BBOF1: variants seen among roughly 807,000 people sequenced by gnomAD.
BBOF1 encodes the protein basal body orientation factor 1, also known as basal body-orientation factor 1.
Under a neutral mutation model 68.0 loss-of-function variants are expected in BBOF1, and 62 were observed. That is an observed-to-expected ratio of 0.91 (90% CI 0.74 to 1.13). The LOEUF is 1.13. Ranked by LOEUF, BBOF1 falls within the 50% of genes most tolerant of loss-of-function variation. The pLI is 0.00. For missense variants in BBOF1, 534 were observed against 600.1 expected (o/e 0.89, Z 1.15); for synonymous variants, 208 against 198.8 (o/e 1.05, Z -0.39).
At chr14:74,035,413 C>CTT (rs35957144) in intron 4 of BBOF1, among the ~76,000 whole-genome samples, 64 of 97,352 alleles carry the variant, frequency 6.6e-4, no homozygotes, top group Non-Finnish European at 8.0e-4. Flanking sequence ...CATATGGGCC[C>CTT]TTTTTTTTTT....
intron 1 of BBOF1, among the ~76,000 whole-genome samples, chr14:74,021,670 G>A (rs571199430): frequency 6.6e-6 from 1 of 151,418 alleles, no homozygotes; most frequent in Non-Finnish European, 1.5e-5. Flanking sequence ...TTGACTTTTT[G>A]TCCAAGACCT....
chr14:74,065,127 T>C lies in BBOF1; in HGVS notation c.*428T>C. On this transcript the variant is annotated 3_prime_UTR_variant, in exon 12 of 12. Coordinates refer to ENST00000394009, the MANE Select transcript of BBOF1 (RefSeq NM_025057.3). ...TGACTCACCATTATTTACTGTTTCC[T>C]CTTAGGAAATAGTAAATGGATATAA... The C allele has an allele frequency of 1.3e-6, 2 of 1,598,284 alleles. No homozygotes were observed. The highest frequency in any genetic ancestry group is 1.7e-6 in the Non-Finnish European group (2 of 1,166,418).
rs1426492072 is a variant in BBOF1 at position 74,051,416 on chromosome 14, AAAAC to A, written c.1286+1233_1286+1236del. Among the ~76,000 whole-genome samples the A allele has an allele frequency of 1.7e-4, 26 of 151,770 alleles. 2 individuals carry two copies. Among genetic ancestry groups the A allele is most frequent in the South Asian group, 4.1e-4 (2 of 4,826 alleles). On this transcript the variant is annotated intron_variant, in intron 8 of 11. Coordinates refer to ENST00000394009, the MANE Select transcript of BBOF1 (RefSeq NM_025057.3). ...CAACAGAGTGAGACCCTGTTTCAAAAAAACAAACAAACAAAAAACCAAAACAATT... is the reference window on the plus strand; with the variant it reads ...CAACAGAGTGAGACCCTGTTTCAAAAAAACAAACAAAAAACCAAAACAATT...
intron 4 of BBOF1, 116 bp downstream of exon 4, chr14:74,034,287 A>G: frequency 1.5e-6 from 1 of 673,242 alleles, no homozygotes; most frequent in African/African-American, 1.9e-5. Flanking sequence ...TTGACATTTT[A>G]GAAATTATTT....
chr14:74,043,121 T>C (rs2059864722), intron 5 of BBOF1, among the ~76,000 whole-genome samples: 1 of 152,164 alleles, frequency 6.6e-6, no homozygotes, highest in Admixed American at 6.5e-5. Context: ...GTTCATTTAC[T>C]TTATACCTCA....
chr14:74,071,982 G>A, intron 9 of BBOF1: 1 of 1,612,900 alleles, frequency 6.2e-7, no homozygotes, highest in Non-Finnish European at 8.5e-7. Context: ...TTTCTAGAGA[G>A]AAGACACACA....
At chr14:74,070,350 C>A (rs897859548), downstream of BBOF1, among the ~76,000 whole-genome samples, 3 of 151,984 alleles carry the variant, frequency 2.0e-5, no homozygotes, top group African/African-American at 7.3e-5. Flanking sequence ...GAAACCCCAT[C>A]TGTACTAAAA....
intron 10 of BBOF1, among the ~76,000 whole-genome samples, chr14:74,079,133 C>G (rs572937632): frequency 6.6e-6 from 1 of 151,708 alleles, no homozygotes; most frequent in Admixed American, 6.6e-5. Flanking sequence ...AGGTGATACC[C>G]ACGTAATTAT....
intron 1 of BBOF1, among the ~76,000 whole-genome samples, chr14:74,021,572 GA>G (rs1416589221): frequency 6.7e-6 from 1 of 149,964 alleles, no homozygotes; most frequent in Non-Finnish European, 1.5e-5. Flanking sequence ...CTGGATGACA[GA>G]GCAAGATCTT....
Position 74,048,240 on chromosome 14 carries a change from T to C in BBOF1, c.792+166T>C. The C allele has an allele frequency of 8.7e-6, 5 of 574,714 alleles. No homozygotes were observed. In the South Asian group the frequency reaches 1.3e-4, roughly 15 times the overall value. The allele number at this position is 574,714 out of a possible 1,614,324, so 35.6% of individuals were successfully genotyped here. On this transcript the variant is annotated intron_variant, in intron 7 of 11. Coordinates refer to ENST00000394009, the MANE Select transcript of BBOF1 (RefSeq NM_025057.3). ...TGAAAAGGTTAAATACTCAATCTTA[T>C]AATGCTTATAAGAAGCATTAGACTC...
chr14:74,023,974 C>T (rs2059366868), intron 2 of BBOF1, among the ~76,000 whole-genome samples: 1 of 148,250 alleles, frequency 6.7e-6, no homozygotes, highest in African/African-American at 2.5e-5. Flanking sequence ...AGGGAACTAA[C>T]ATTTTGGAGC....
At chr14:74,070,061 G>A (rs769593961), downstream of BBOF1, among the ~76,000 whole-genome samples, 27 of 151,652 alleles carry the variant, frequency 1.8e-4, no homozygotes, top group Non-Finnish European at 2.2e-4. Context: ...GGCTGGTCTC[G>A]AACTCCTGGG....
At chr14:74,023,240 T>G (rs1445751901) in intron 2 of BBOF1, 96 bp downstream of exon 2, 3 of 696,864 alleles carry the variant, frequency 4.3e-6, no homozygotes, top group Non-Finnish European at 7.2e-6. Flanking sequence ...CCTTGAAATC[T>G]TAACATATAC....
At chr14:74,072,132 A>G in intron 9 of BBOF1, 1 of 1,610,098 alleles carries the variant, frequency 6.2e-7, no homozygotes, top group Non-Finnish European at 8.5e-7. Flanking sequence ...GGTGGCTGAA[A>G]AGGTCTCTGT....
intron 4 of BBOF1, among the ~76,000 whole-genome samples, chr14:74,036,038 G>A (rs919822642): frequency 3.3e-5 from 5 of 151,936 alleles, no homozygotes; most frequent in South Asian, 2.1e-4. Context: ...ACAGCTACAG[G>A]AATACTTTTA....
At chr14:74,060,292 G>C (rs535909477) in intron 11 of BBOF1, 16 of 270,916 alleles carry the variant, frequency 5.9e-5, no homozygotes, top group African/African-American at 3.5e-4. Context: ...GAGCCACCGC[G>C]CCTGGCTGGA....
chr14:74,062,839 C>T (rs979280429), intron 11 of BBOF1, among the ~76,000 whole-genome samples: 7 of 152,144 alleles, frequency 4.6e-5, no homozygotes, highest in Admixed American at 3.3e-4. Flanking sequence ...AAAGGGGAGA[C>T]TTGTATAACA....
chr14:74,052,376 G>A (rs1198632122), intron 8 of BBOF1, among the ~76,000 whole-genome samples: 1 of 151,796 alleles, frequency 6.6e-6, no homozygotes, highest in African/African-American at 2.4e-5. Flanking sequence ...GCTGGGCGCA[G>A]TGGCTCACGC....
chr14:74,082,018 G>A (rs142361346), intron 12 of BBOF1, among the ~76,000 whole-genome samples: 3,457 of 152,166 alleles, frequency 0.023, 35 homozygotes, highest in African/African-American at 0.029. Context: ...ACCAGCCTGG[G>A]CAACATGGTG....
Sources: gnomAD v4.1 joint callset for allele counts (sites outside exome capture counted in the v4.1 genomes callset) on GRCh38, gnomAD v4.1.1 for gene constraint, MANE v1.5 for transcripts, NCBI Gene and HGNC (gene_info 2026-07-23, HGNC 2026-07-21) for gene names.